LRMDA: variants seen among roughly 807,000 people sequenced by gnomAD.
The protein encoded by LRMDA is leucine rich melanocyte differentiation associated.
Under a neutral mutation model 29.8 loss-of-function variants are expected in LRMDA, and 18 were observed. The observed-to-expected ratio is 0.60, with a 90% CI of 0.42 to 0.90. The LOEUF is 0.90. Ranked by LOEUF, LRMDA falls within the 40% of genes least tolerant of loss-of-function variation. The pLI, the probability that LRMDA is intolerant of heterozygous loss-of-function variation, is 0.00. For synonymous variants in LRMDA, 125 were observed against 109.4 expected (o/e 1.14, Z -0.89); for missense variants, 273 against 273.9 (o/e 1.00, Z 0.02).
At chr10:75,806,637 CTT>C (rs201768940) in intron 2 of LRMDA, among the ~76,000 whole-genome samples, 6 of 141,626 alleles carry the variant, frequency 4.2e-5, no homozygotes, top group Non-Finnish European at 4.7e-5. Flanking sequence ...TGTTAAAGTT[CTT>C]TTTTTTTTTT....
At chr10:76,089,801 T>C (rs1291331066) in intron 5 of LRMDA, among the ~76,000 whole-genome samples, 2 of 152,148 alleles carry the variant, frequency 1.3e-5, no homozygotes, top group Admixed American at 6.6e-5. Context: ...GGGAACATAA[T>C]GATGGATAAA....
chr10:76,001,498 T>A (rs1340744094), intron 2 of LRMDA, among the ~76,000 whole-genome samples: 2 of 152,164 alleles, frequency 1.3e-5, no homozygotes, highest in African/African-American at 4.8e-5. Flanking sequence ...AGTTTAAGAG[T>A]AAATTCATTA....
intron 6 of LRMDA, among the ~76,000 whole-genome samples, chr10:76,397,624 C>T (rs1042402178): frequency 6.6e-6 from 1 of 152,326 alleles, no homozygotes; most frequent in Middle Eastern, 3.4e-3. Context: ...GCTGTGCCTT[C>T]GCTTCCTGGT....
intron 2 of LRMDA, among the ~76,000 whole-genome samples, chr10:75,853,444 G>T (rs1220523579): frequency 6.6e-6 from 1 of 151,794 alleles, no homozygotes; most frequent in Non-Finnish European, 1.5e-5. Context: ...GTGTGTGTGT[G>T]TGTGTGTGTG....
At chr10:76,268,336 A>T (rs1840029516) in intron 5 of LRMDA, among the ~76,000 whole-genome samples, 2 of 152,208 alleles carry the variant, frequency 1.3e-5, no homozygotes, top group South Asian at 2.1e-4. Context: ...CCTGTTGCTC[A>T]TTCCTGGATG....
chr10:75,616,679 T>A (rs1041368473), intron 2 of LRMDA, among the ~76,000 whole-genome samples: 1 of 152,212 alleles, frequency 6.6e-6, no homozygotes, highest in Non-Finnish European at 1.5e-5. Flanking sequence ...GTGTAGGTTG[T>A]GTCTGAGTTA....
chr10:75,798,099 CTACT>C (rs1843684241), intron 2 of LRMDA, among the ~76,000 whole-genome samples: 1 of 151,536 alleles, frequency 6.6e-6, no homozygotes, highest in Non-Finnish European at 1.5e-5. Flanking sequence ...TGCTAATTGG[CTACT>C]CATATATCTT....
At chr10:75,653,674 A>C (rs1841630637) in intron 2 of LRMDA, among the ~76,000 whole-genome samples, 1 of 152,330 alleles carries the variant, frequency 6.6e-6, no homozygotes, top group Middle Eastern at 3.4e-3. Context: ...AGAGCCATCT[A>C]GACATAACTT....
At chr10:75,695,153 G>A (rs1842218566) in intron 2 of LRMDA, among the ~76,000 whole-genome samples, 1 of 152,094 alleles carries the variant, frequency 6.6e-6, no homozygotes, top group Non-Finnish European at 1.5e-5. Flanking sequence ...GGGGTGGGTG[G>A]TGTGTCTTGC....
intron 6 of LRMDA, among the ~76,000 whole-genome samples, chr10:76,499,842 C>T (rs2132341734): frequency 1.3e-5 from 1 of 74,456 alleles, no homozygotes; most frequent in South Asian, 3.5e-4. Flanking sequence ...TGAGACTTTA[C>T]ATTTTTAACT....
At chr10:76,490,183 T>G (rs1710179315) in intron 6 of LRMDA, among the ~76,000 whole-genome samples, 1 of 152,006 alleles carries the variant, frequency 6.6e-6, no homozygotes, top group Non-Finnish European at 1.5e-5. Context: ...ATATTTTGAG[T>G]GTTTTAAGAC....
At chr10:75,968,335 C>A (rs983300142) in intron 2 of LRMDA, among the ~76,000 whole-genome samples, 1 of 152,144 alleles carries the variant, frequency 6.6e-6, no homozygotes, top group African/African-American at 2.4e-5. Context: ...TCTCAAAAAT[C>A]CACACAAGCA....
Position 75,672,553 on chromosome 10 carries a change from CCCCTCCCCTCCCCTT to C in LRMDA, c.131+234064_131+234078del, listed in dbSNP as rs1266431323. Among the ~76,000 whole-genome samples, 21 of 14,214 alleles carry C rather than the reference CCCCTCCCCTCCCCTT, an allele frequency of 1.5e-3. 3 individuals carry two copies. The highest frequency in any genetic ancestry group is 1.7e-3 in the Non-Finnish European group (13 of 7,834). 9.3% of individuals were successfully genotyped at this position (14,214 alleles called of 152,430 possible). On this transcript the variant is annotated intron_variant, in intron 2 of 6. Transcript: ENST00000611255. ...CCCCTCCCCTCCCCTCCCCTCCCCT[CCCCTCCCCTCCCCTT>C]CCCTTCCCTTCCCTTCCCTGCTTTT...
At chr10:75,579,766 C>T (rs1240836646) in intron 2 of LRMDA, among the ~76,000 whole-genome samples, 5 of 152,166 alleles carry the variant, frequency 3.3e-5, no homozygotes, top group African/African-American at 1.2e-4. Context: ...GCTAGTTCAA[C>T]ATACGTGAAT....
chr10:76,131,266 C>G (rs1275254803), intron 5 of LRMDA, among the ~76,000 whole-genome samples: 1 of 152,116 alleles, frequency 6.6e-6, no homozygotes, highest in African/African-American at 2.4e-5. Context: ...GTATCCTTGT[C>G]TGGAACAGCA....
chr10:75,569,918 G>T (rs766906611), intron 2 of LRMDA, among the ~76,000 whole-genome samples: 8 of 152,242 alleles, frequency 5.3e-5, no homozygotes, highest in South Asian at 2.1e-4. Context: ...TGAAGGCATG[G>T]CCAATGCTGT....
chr10:76,290,449 C>T (rs1321370254), intron 5 of LRMDA, among the ~76,000 whole-genome samples: 2 of 118,936 alleles, frequency 1.7e-5, no homozygotes, highest in South Asian at 6.1e-4. Context: ...GACAGAGTCT[C>T]ACTCTGTTGC....
At chr10:76,085,116 A>G (rs936812368) in intron 5 of LRMDA, among the ~76,000 whole-genome samples, 4 of 152,174 alleles carry the variant, frequency 2.6e-5, no homozygotes, top group Admixed American at 6.5e-5. Flanking sequence ...TGTAAAGAAT[A>G]TGCTCATTAT....
At chr10:75,732,123 T>C (rs1842706898) in intron 2 of LRMDA, among the ~76,000 whole-genome samples, 1 of 152,228 alleles carries the variant, frequency 6.6e-6, no homozygotes, top group Admixed American at 6.5e-5. Flanking sequence ...TGTGTGTGTG[T>C]AATAAATTTT....
Sources: allele counts gnomAD v4.1 joint callset (sites outside exome capture counted in the v4.1 genomes callset), GRCh38; gene constraint gnomAD v4.1.1; transcripts MANE v1.5; gene names NCBI Gene and HGNC (gene_info 2026-07-23, HGNC 2026-07-21).